FARS2: variants seen among roughly 807,000 people sequenced by gnomAD.
FARS2 encodes the protein phenylalanine--tRNA ligase, mitochondrial.
A neutral mutation model predicts 46.4 loss-of-function variants in FARS2; 40 were observed. The ratio of observed to expected loss-of-function variants is 0.86; its 90% confidence interval spans 0.67 to 1.12. The LOEUF (loss-of-function observed/expected upper bound fraction) is 1.12, where lower values mean the gene tolerates loss of function less well. FARS2 is among the 50% of genes most tolerant of loss of function. The pLI is 0.00. For missense variants in FARS2, 513 were observed against 567.9 expected (o/e 0.90, Z 0.98); for synonymous variants, 234 against 214.9 (o/e 1.09, Z -0.78).
At chr6:5,485,833 C>G (rs1268284397) in intron 4 of FARS2, among the ~76,000 whole-genome samples, 1 of 152,168 alleles carries the variant, frequency 6.6e-6, no homozygotes, top group African/African-American at 2.4e-5. Flanking sequence ...GAATTCGGTA[C>G]CACTGAGATT....
chr6:5,303,758 A>T (rs1396480854), intron 1 of FARS2, among the ~76,000 whole-genome samples: 1 of 152,006 alleles, frequency 6.6e-6, no homozygotes, highest in African/African-American at 2.4e-5. Flanking sequence ...GTACAGCCCC[A>T]TGTGACCTCA....
rs558065955 is a variant in FARS2 at position 5,768,867 on chromosome 6, A to G, written c.1218-2424A>G. On this transcript the variant is annotated intron_variant, in intron 6 of 6. Coordinates refer to ENST00000274680, the MANE Select transcript of FARS2 (RefSeq NM_006567.5). ...GTTGTAAGAGTTCTTTGTATATTCT[A>G]GATACAAATCCCTTATCAGGTATAT... Among the ~76,000 whole-genome samples, 4 of 152,252 alleles carry G rather than the reference A, an allele frequency of 2.6e-5. No individual in the cohort carries two copies. In the South Asian group the frequency reaches 8.3e-4, roughly 32 times the overall value.
chr6:5,276,541 G>A (rs1355227852), intron 1 of FARS2, among the ~76,000 whole-genome samples: 1 of 152,174 alleles, frequency 6.6e-6, no homozygotes, highest in Non-Finnish European at 1.5e-5. Context: ...ATGTTAATCT[G>A]CATACCCTTG....
intron 1 of FARS2, among the ~76,000 whole-genome samples, chr6:5,336,703 C>T (rs987704114): frequency 5.3e-5 from 8 of 152,120 alleles, no homozygotes; most frequent in African/African-American, 1.9e-4. Flanking sequence ...TGACTATATT[C>T]ACCCTATTGT....
At chr6:5,593,855 G>A (rs1774056689) in intron 5 of FARS2, among the ~76,000 whole-genome samples, 1 of 152,176 alleles carries the variant, frequency 6.6e-6, no homozygotes, top group South Asian at 2.1e-4. Context: ...GTATTTTCTG[G>A]CTCATTGCTA....
intron 4 of FARS2, among the ~76,000 whole-genome samples, chr6:5,431,429 G>C (rs1763159969): frequency 6.6e-6 from 1 of 152,160 alleles, no homozygotes; most frequent in Non-Finnish European, 1.5e-5. Flanking sequence ...TTTGTACTTT[G>C]TGATTTCGTA....
At chr6:5,705,498 G>A (rs1286485063) in intron 6 of FARS2, among the ~76,000 whole-genome samples, 1 of 152,156 alleles carries the variant, frequency 6.6e-6, no homozygotes, top group Non-Finnish European at 1.5e-5. Context: ...CTGGTTTCCT[G>A]TGCCTGCCTC....
chr6:5,500,951 AGAGAGAGAGAG>A (rs1767762979), intron 4 of FARS2, among the ~76,000 whole-genome samples: 1 of 151,362 alleles, frequency 6.6e-6, no homozygotes, highest in African/African-American at 2.4e-5. Flanking sequence ...AGAGAGAGAG[AGAGAGAGAGAG>A]AGAGAGAGAT....
At chr6:5,711,643 A>G (rs974607904) in intron 6 of FARS2, among the ~76,000 whole-genome samples, 28 of 152,336 alleles carry the variant, frequency 1.8e-4, no homozygotes, top group Non-Finnish European at 2.9e-5. Flanking sequence ...CACAAGGGGA[A>G]AAAATAAGAC....
intron 4 of FARS2, among the ~76,000 whole-genome samples, chr6:5,435,118 A>G (rs1351000087): frequency 6.6e-6 from 1 of 152,246 alleles, no homozygotes; most frequent in East Asian, 1.9e-4. Flanking sequence ...AAACTTGCCA[A>G]GTCTTTCTGA....
intron 5 of FARS2, among the ~76,000 whole-genome samples, chr6:5,579,418 C>T (rs867354920): frequency 1.3e-5 from 2 of 151,918 alleles, no homozygotes; most frequent in African/African-American, 4.8e-5. Flanking sequence ...GGATTACAGG[C>T]GCCCACCACC....
At chr6:5,476,318 A>T (rs1766120683) in intron 4 of FARS2, among the ~76,000 whole-genome samples, 1 of 152,124 alleles carries the variant, frequency 6.6e-6, no homozygotes, top group Non-Finnish European at 1.5e-5. Context: ...AAGCATACTA[A>T]TTGATGTTTT....
chr6:5,254,266 C>T, the FARS2 span, among the ~76,000 whole-genome samples: 4 of 152,196 alleles, frequency 2.6e-5, no homozygotes, highest in African/African-American at 7.2e-5. Flanking sequence ...TCTGACTTCT[C>T]GCTAACCAAC....
chr6:5,626,993 G>A (rs1450002560), intron 6 of FARS2, among the ~76,000 whole-genome samples: 1 of 152,334 alleles, frequency 6.6e-6, no homozygotes, highest in Non-Finnish European at 1.5e-5. Flanking sequence ...GTTAAGTACA[G>A]TATCTGAACA....
intron 3 of FARS2, 139 bp downstream of exon 3, chr6:5,404,840 C>A: frequency 1.7e-6 from 1 of 592,990 alleles, no homozygotes; most frequent in Non-Finnish European, 2.7e-6. Context: ...TGCTCTGTCA[C>A]CCAGGCTGGA....
intron 3 of FARS2, among the ~76,000 whole-genome samples, chr6:5,420,443 A>T (rs1762480068): frequency 6.6e-6 from 1 of 152,208 alleles, no homozygotes; most frequent in South Asian, 2.1e-4. Flanking sequence ...ACCCTGTAAA[A>T]TCCAAAGCAA....
intron 1 of FARS2, among the ~76,000 whole-genome samples, chr6:5,357,167 G>A (rs1391547227): frequency 1.3e-5 from 2 of 152,126 alleles, no homozygotes; most frequent in African/African-American, 2.4e-5. Context: ...CTTCAGTGCT[G>A]TGCTTTAGTT....
At chr6:5,403,369 C>A (rs1761373368) in intron 2 of FARS2, among the ~76,000 whole-genome samples, 1 of 152,148 alleles carries the variant, frequency 6.6e-6, no homozygotes. Flanking sequence ...CTCAAACACC[C>A]CAGCTTGGTT....
intron 6 of FARS2, among the ~76,000 whole-genome samples, chr6:5,642,889 A>G (rs1776892079): frequency 6.6e-6 from 1 of 152,212 alleles, no homozygotes; most frequent in South Asian, 2.1e-4. Context: ...ATGTCTTCGA[A>G]GAGCCCACTG....
Sources: gnomAD v4.1 joint callset for allele counts (sites outside exome capture counted in the v4.1 genomes callset) on GRCh38, gnomAD v4.1.1 for gene constraint, MANE v1.5 for transcripts, NCBI Gene and HGNC (gene_info 2026-07-23, HGNC 2026-07-21) for gene names.